The following USP40 variants were observed in gnomAD, a reference collection of about 807,000 sequenced individuals.
USP40 encodes the protein ubiquitin carboxyl-terminal hydrolase 40.
In USP40, 143 loss-of-function variants were observed where a neutral mutation model predicts 166.2. The ratio of observed to expected loss-of-function variants is 0.86; its 90% confidence interval spans 0.75 to 0.99. The LOEUF (loss-of-function observed/expected upper bound fraction) is 0.99, where lower values mean the gene tolerates loss of function less well. USP40 is among the 50% of genes least tolerant of loss of function. USP40 has a pLI of 0.00. For missense variants in USP40, 1,444 were observed against 1,479.7 expected (o/e 0.98, Z 0.40); for synonymous variants, 498 against 524.0 (o/e 0.95, Z 0.68).
chr2:233,548,883 T>C (rs890520845), intron 8 of USP40, among the ~76,000 whole-genome samples: 1 of 152,092 alleles, frequency 6.6e-6, no homozygotes, highest in Non-Finnish European at 1.5e-5. Context: ...AGGTAAAGGG[T>C]ATACAGGAGG....
chr2:233,515,874 G>A (rs1311768255), intron 18 of USP40, among the ~76,000 whole-genome samples: 1 of 152,152 alleles, frequency 6.6e-6, no homozygotes, highest in Non-Finnish European at 1.5e-5. Context: ...GCGAAGTAAA[G>A]CTTGAGGTTC....
rs750983172 is a variant in USP40, at chr2:233,525,648, T to C, written c.1726-86A>G. 9.3e-5 allele frequency: 89 copies of C among 960,948 alleles called. 1 individual carries two copies. The highest frequency in any genetic ancestry group is 1.2e-4 in the Admixed American group (6 of 49,540). 59.5% of individuals were successfully genotyped at this position (960,948 alleles called of 1,614,324 possible). On this transcript the variant is annotated intron_variant, in intron 13 of 31. Transcript: ENST00000678225. ...CCAGGTTACTGTGCCAACTCACATA[T>C]GAAGATGACACAGAGAGCAAGCAAA...
At chr2:233,491,307 T>C in intron 25 of USP40, 46 bp from the exon 26 acceptor site, 1 of 1,375,498 alleles carries the variant, frequency 7.3e-7, no homozygotes, top group Non-Finnish European at 1.0e-6. Context: ...TTGAAACTTA[T>C]TTTGTGTTTC....
intron 21 of USP40, among the ~76,000 whole-genome samples, chr2:233,504,275 T>C (rs956562125): frequency 2.6e-5 from 4 of 151,838 alleles, no homozygotes; most frequent in Non-Finnish European, 5.9e-5. Flanking sequence ...ATTAACAAAA[T>C]GGCAGGAGTA....
intron 19 of USP40, chr2:233,512,360 A>G (rs1272149291): frequency 5.9e-6 from 2 of 338,306 alleles, no homozygotes; most frequent in Non-Finnish European, 1.1e-5. Context: ...TCGGATAATC[A>G]GAAAGAATGG....
chr2:233,547,135 G>A (rs1354467668), intron 8 of USP40: 1 of 152,158 alleles, frequency 6.6e-6, no homozygotes, highest in African/African-American at 2.4e-5. Flanking sequence ...TTCCATAGAT[G>A]ACTTCAACAT....
intron 4 of USP40, among the ~76,000 whole-genome samples, chr2:233,559,521 G>A (rs1005297445): frequency 2.0e-5 from 3 of 152,122 alleles, no homozygotes; most frequent in Non-Finnish European, 4.4e-5. Context: ...ATCTCAACTA[G>A]ACTACATAAA....
rs771342898 is a variant in USP40 at position 233,519,636 on chromosome 2, T to C, written c.2361A>G (p.Glu787=). Residue 787 remains glutamate (E), a synonymous_variant, in exon 18 of 32, where the codon GAA becomes GAG. Transcript: ENST00000678225. ...VFDIRIKAIK[E]LKLMKELADN... ...TACCTAGTTCCTTCATTAATTTTAA[T>C]TCCTTTATGGCTTTAATTCGAATAT... The C allele has an allele frequency of 1.6e-5, 23 of 1,433,858 alleles. No homozygotes were observed. In the Admixed American group the frequency reaches 4.1e-4, roughly 25 times the overall value. 88.8% of individuals were successfully genotyped at this position (1,433,858 alleles called of 1,614,324 possible).
At chr2:233,544,276 T>C (rs904242812) in intron 8 of USP40, among the ~76,000 whole-genome samples, 5 of 152,034 alleles carry the variant, frequency 3.3e-5, no homozygotes, top group Non-Finnish European at 7.4e-5. Flanking sequence ...GGGCCCAGAG[T>C]TCAGGAAACT....
intron 31 of USP40, among the ~76,000 whole-genome samples, chr2:233,479,841 G>C (rs2064451339): frequency 6.6e-6 from 1 of 152,028 alleles, no homozygotes; most frequent in Non-Finnish European, 1.5e-5. Flanking sequence ...AAAGGCCACG[G>C]GACAGTGCTG....
intron 2 of USP40, 129 bp downstream of exon 2, chr2:233,565,227 T>C (rs949482894): frequency 2.9e-5 from 21 of 729,922 alleles, no homozygotes; most frequent in Non-Finnish European, 4.1e-5. Context: ...ATATCTTATA[T>C]GTGCAACAAT....
chr2:233,479,726 C>G (rs1381004877), intron 31 of USP40, among the ~76,000 whole-genome samples: 1 of 151,960 alleles, frequency 6.6e-6, no homozygotes, highest in Non-Finnish European at 1.5e-5. Context: ...TATCCCAGGT[C>G]TCTGAGGGCA....
chr2:233,553,515 A>G (rs2070772165), intron 6 of USP40, among the ~76,000 whole-genome samples: 1 of 152,196 alleles, frequency 6.6e-6, no homozygotes, highest in Non-Finnish European at 1.5e-5. Flanking sequence ...TGGCAGAGGG[A>G]TTTTCAGAAA....
rs1370036301 is a variant in USP40, at chr2:233,491,179, C to T, written c.3000G>A (p.Glu1000=). Residue 1000 remains glutamate (E), a synonymous_variant, in exon 26 of 32, where the codon GAG becomes GAA. Transcript: ENST00000678225. ...IEISEDATLA[E]LKSQAMTLPP... ...GAAGAAGTCTGACCTGAGACTTCAG[C>T]TCCGCCAGCGTGGCATCTTCTGAGA... 6.2e-7 allele frequency: 1 copy of T among 1,608,530 alleles called. No homozygotes were observed. The highest frequency in any genetic ancestry group is 1.3e-5 in the African/African-American group (1 of 74,856).
chr2:233,495,868 C>T lies in USP40; in HGVS notation c.2790+890G>A, dbSNP rs140614245. ...AATATAATAGAATTCTACAAAGTTA[C>T]GAAAATGAATAAGGTAGGTGTGTAT... On this transcript the variant is annotated intron_variant, in intron 24 of 31. Transcript: ENST00000678225. Among the ~76,000 whole-genome samples the T allele has an allele frequency of 6.6e-5, 10 of 152,104 alleles. No homozygotes were observed. The East Asian group carries it at 1.2e-3, about 18-fold the overall frequency.
rs1347471868 is a variant in USP40 at position 233,493,306 on chromosome 2, CT to C, written c.2917+118del. 17 of 1,404,356 alleles carry C rather than the reference CT, an allele frequency of 1.2e-5. 1 individual carries two copies. Among genetic ancestry groups the C allele is most frequent in the Non-Finnish European group, 1.5e-5 (15 of 1,022,570 alleles). The allele number at this position is 1,404,356 out of a possible 1,614,324, so 87.0% of individuals were successfully genotyped here. ...GGAATGACTTATGAAATTAATAGGT[CT>C]TGATTTTCAAGATCTTACGTTTTAA... On this transcript the variant is annotated intron_variant, in intron 25 of 31. Coordinates refer to ENST00000678225, the MANE Select transcript of USP40 (RefSeq NM_001365479.2). The surrounding 1 kb of genome is among the most constrained non-coding windows in gnomAD (Gnocchi z 4.7).
chr2:233,564,040 T>C (rs1477108496), intron 2 of USP40, among the ~76,000 whole-genome samples: 1 of 152,236 alleles, frequency 6.6e-6, no homozygotes, highest in Non-Finnish European at 1.5e-5. Flanking sequence ...TGGCAATTTT[T>C]ACTGGTGGAA....
In USP40 at chr2:233,475,845, A is replaced by G. The variant is rs2064157637; in HGVS notation, c.*1547T>C. 1 of 152,424 alleles carries G rather than the reference A, an allele frequency of 6.6e-6. No homozygotes were observed. The highest frequency in any genetic ancestry group is 1.5e-5 in the Non-Finnish European group (1 of 68,076). The allele number at this position is 152,424 out of a possible 1,614,324, so 9.4% of individuals were successfully genotyped here. ...TCAGTTAAAGCCACAGAAACAGAAC[A>G]GCTTAAGAAGGGCTGGGCGCCCAGC... On this transcript the variant is annotated 3_prime_UTR_variant, in exon 32 of 32. Coordinates refer to ENST00000678225, the MANE Select transcript of USP40 (RefSeq NM_001365479.2).
At chr2:233,504,688 C>T (rs1334155879) in intron 21 of USP40, among the ~76,000 whole-genome samples, 1 of 151,808 alleles carries the variant, frequency 6.6e-6, no homozygotes, top group Non-Finnish European at 1.5e-5. Flanking sequence ...GCAAACACCA[C>T]CAGAACACCC....
Sources: gnomAD v4.1 joint callset for allele counts (sites outside exome capture counted in the v4.1 genomes callset) on GRCh38, gnomAD v4.1.1 for gene constraint, Gnocchi (gnomAD v3.1) non-coding constraint, MANE v1.5 for transcripts, NCBI Gene and HGNC (gene_info 2026-07-23, HGNC 2026-07-21) for gene names.